The following ZFP1 variants were observed in gnomAD, a reference collection of about 807,000 sequenced individuals.
ZFP1 encodes zinc finger protein 1 homolog.
Under a neutral mutation model 38.5 loss-of-function variants are expected in ZFP1, and 32 were observed. The observed-to-expected ratio is 0.83, with a 90% CI of 0.63 to 1.12. ZFP1 has a LOEUF of 1.12. ZFP1 is among the 50% of genes most tolerant of loss of function. The probability of loss-of-function intolerance (pLI) is 0.00; values close to 1 mark genes in which losing one functional copy is unlikely to be tolerated. For synonymous variants in ZFP1, 245 were observed against 168.8 expected, an observed-to-expected ratio of 1.45 and a Z score of -3.50; for missense variants, 616 against 480.8, an observed-to-expected ratio of 1.28 and a Z score of -2.63.
chr16:75,158,993 C>G (rs1212859254), intron 2 of ZFP1, among the ~76,000 whole-genome samples: 5 of 150,690 alleles, frequency 3.3e-5, no homozygotes, highest in African/African-American at 4.9e-5. Context: ...GCCTCCCAGG[C>G]TCAAGTGATC....
At chr16:75,125,172 T>G in the ZFP1 span, among the ~76,000 whole-genome samples, 13 of 152,174 alleles carry the variant, frequency 8.5e-5, no homozygotes, top group Admixed American at 1.3e-4. Context: ...GGCAGGAGAA[T>G]TGCTTGCACC....
the ZFP1 span, among the ~76,000 whole-genome samples, chr16:75,122,838 C>G: frequency 2.0e-5 from 3 of 152,200 alleles, no homozygotes; most frequent in African/African-American, 7.2e-5. Flanking sequence ...AGGTTAGAAG[C>G]AAGATGGAGT....
chr16:75,154,227 A>G (rs2037357519), intron 2 of ZFP1, among the ~76,000 whole-genome samples: 2 of 150,536 alleles, frequency 1.3e-5, no homozygotes, highest in African/African-American at 4.8e-5. Flanking sequence ...TTGTCTCAAA[A>G]AAAAAAAAAG....
chr16:75,164,964 C>G (rs1422798383), intron 2 of ZFP1, among the ~76,000 whole-genome samples: 8 of 152,214 alleles, frequency 5.3e-5, no homozygotes. Context: ...CACTACTATG[C>G]CCGGCTAATT....
chr16:75,148,884 C>G (rs919838007), intron 1 of ZFP1: 1 of 152,168 alleles, frequency 6.6e-6, no homozygotes, highest in Non-Finnish European at 1.5e-5. Flanking sequence ...GAGGCTTCGC[C>G]TTCTTCTCTT....
At chr16:75,165,066 A>C (rs556300548) in intron 2 of ZFP1, among the ~76,000 whole-genome samples, 7 of 152,202 alleles carry the variant, frequency 4.6e-5, no homozygotes, top group South Asian at 2.1e-4. Flanking sequence ...CAGCCTCCCA[A>C]AGTGCTGGGA....
chr16:75,143,094 C>T, the ZFP1 span, among the ~76,000 whole-genome samples: 5 of 152,188 alleles, frequency 3.3e-5, no homozygotes, highest in South Asian at 8.3e-4. Context: ...TTAGGAAAAT[C>T]CAGACCATAT....
chr16:75,156,832 G>A (rs1166750997), intron 2 of ZFP1, among the ~76,000 whole-genome samples: 4 of 152,202 alleles, frequency 2.6e-5, no homozygotes, highest in African/African-American at 4.8e-5. Context: ...CTGGTATGGA[G>A]GGGAAAGACA....
chr16:75,148,833 G>C (rs2037017807), intron 1 of ZFP1, 190 bp downstream of exon 1: 2 of 152,310 alleles, frequency 1.3e-5, no homozygotes. Context: ...ACGCCTGGCC[G>C]AACGTGCGGG....
the ZFP1 span, among the ~76,000 whole-genome samples, chr16:75,128,230 A>C: frequency 6.6e-6 from 1 of 152,208 alleles, no homozygotes; most frequent in Admixed American, 6.5e-5. Flanking sequence ...CCCCACGTTT[A>C]TCTTGGAACC....
the ZFP1 span, among the ~76,000 whole-genome samples, chr16:75,142,090 G>T: frequency 6.7e-6 from 1 of 150,100 alleles, no homozygotes; most frequent in South Asian, 2.1e-4. Context: ...GGGCGCGGTG[G>T]CTCATACCTG....
chr16:75,159,450 A>C (rs1286705815), intron 2 of ZFP1, among the ~76,000 whole-genome samples: 3 of 128,420 alleles, frequency 2.3e-5, no homozygotes, highest in African/African-American at 9.1e-5. Context: ...GGTTACCCCC[A>C]GACTGGGGTA....
chr16:75,139,392 A>AAC, the ZFP1 span, among the ~76,000 whole-genome samples: 2 of 131,516 alleles, frequency 1.5e-5, no homozygotes, highest in African/African-American at 4.3e-5. Flanking sequence ...AAAAAAAAAA[A>AAC]AAAACACCGT....
At chr16:75,150,383 A>T (rs564176846) in intron 1 of ZFP1, among the ~76,000 whole-genome samples, 13,156 of 148,948 alleles carry the variant, frequency 0.088, 1,104 homozygotes, top group African/African-American at 0.21. Flanking sequence ...TAATTTTTTT[A>T]TTTTTTTTTG....
At chr16:75,121,999 A>C in the ZFP1 span, among the ~76,000 whole-genome samples, 3 of 152,054 alleles carry the variant, frequency 2.0e-5, no homozygotes, top group African/African-American at 7.3e-5. Context: ...TACCCAGCCC[A>C]AAACAGAATG....
At chr16:75,164,848 C>T (rs1190465126) in intron 2 of ZFP1, among the ~76,000 whole-genome samples, 3 of 151,214 alleles carry the variant, frequency 2.0e-5, no homozygotes, top group African/African-American at 7.3e-5. Flanking sequence ...ACTCGTTGCA[C>T]AGGATGGAGT....
At chr16:75,131,568 T>A in the ZFP1 span, among the ~76,000 whole-genome samples, 2 of 152,052 alleles carry the variant, frequency 1.3e-5, no homozygotes, top group East Asian at 3.9e-4. Context: ...CCTAGCTGGG[T>A]ACACACTCCC....
chr16:75,166,645 CAG>C, intron 2 of ZFP1, 123 bp from the exon 3 acceptor site: 2 of 1,528,990 alleles, frequency 1.3e-6, no homozygotes, highest in Non-Finnish European at 1.7e-6. Flanking sequence ...TGAACAAAAA[CAG>C]TGAACAAGAT....
At chr16:75,164,216 T>C (rs72802316) in intron 2 of ZFP1, among the ~76,000 whole-genome samples, 6,635 of 152,340 alleles carry the variant, frequency 0.044, 208 homozygotes, top group Middle Eastern at 0.13. Flanking sequence ...AAAAATTATA[T>C]GTAGGTTTTT....
Sources: allele counts gnomAD v4.1 joint callset (sites outside exome capture counted in the v4.1 genomes callset), GRCh38; gene constraint gnomAD v4.1.1; transcripts MANE v1.5; gene names NCBI Gene and HGNC (gene_info 2026-07-23, HGNC 2026-07-21).